CPNE4: variants seen among roughly 807,000 people sequenced by gnomAD.
CPNE4 encodes the protein copine-4.
Under a neutral mutation model 67.9 loss-of-function variants are expected in CPNE4, and 25 were observed. The ratio of observed to expected loss-of-function variants is 0.37; its 90% CI spans 0.27 to 0.51. The LOEUF (loss-of-function observed/expected upper bound fraction) is 0.51. CPNE4 is among the 20% of genes least tolerant of loss of function. The pLI, the probability that CPNE4 is intolerant of heterozygous loss-of-function variation, is 0.93. For missense variants in CPNE4, 464 were observed against 690.8 expected (o/e 0.67, Z 3.68); for synonymous variants, 242 against 244.9 (o/e 0.99, Z 0.11).
At chr3:132,014,310 ACTCCTCCCCCCGAATG>A (rs916033120) in intron 1 of CPNE4, among the ~76,000 whole-genome samples, 19 of 150,214 alleles carry the variant, frequency 1.3e-4, no homozygotes, top group African/African-American at 4.7e-4. Context: ...GGGCCAGCCT[ACTCCTCCCCCCGAATG>A]CTCCTCCCAC....
chr3:131,579,385 C>T (rs1033267012), intron 9 of CPNE4, among the ~76,000 whole-genome samples: 4 of 152,152 alleles, frequency 2.6e-5, no homozygotes, highest in Admixed American at 6.6e-5. Context: ...GGGGTTTTAT[C>T]GTTGTTTTCA....
At chr3:131,904,269 G>A (rs1035498529) in intron 2 of CPNE4, among the ~76,000 whole-genome samples, 1 of 152,014 alleles carries the variant, frequency 6.6e-6, no homozygotes, top group Non-Finnish European at 1.5e-5. Flanking sequence ...CCCCCAGCCC[G>A]TTCCTCCTAT....
At chr3:131,753,978 A>G (rs949747207) in intron 2 of CPNE4, among the ~76,000 whole-genome samples, 1 of 152,170 alleles carries the variant, frequency 6.6e-6, no homozygotes, top group African/African-American at 2.4e-5. Flanking sequence ...ATATGAAGAG[A>G]TATATGAACT....
intron 2 of CPNE4, among the ~76,000 whole-genome samples, chr3:131,864,292 T>C (rs1392821083): frequency 6.6e-6 from 1 of 151,778 alleles, no homozygotes; most frequent in African/African-American, 2.4e-5. Context: ...TAAATTACCT[T>C]AGGCAGTATG....
At chr3:131,853,046 G>T (rs1350491530) in intron 2 of CPNE4, among the ~76,000 whole-genome samples, 1 of 151,592 alleles carries the variant, frequency 6.6e-6, no homozygotes, top group East Asian at 1.9e-4. Flanking sequence ...TAAAATACCA[G>T]CAGAATTTTC....
intron 14 of CPNE4, among the ~76,000 whole-genome samples, chr3:131,545,344 T>C (rs964086983): frequency 4.6e-5 from 7 of 152,354 alleles, no homozygotes; most frequent in African/African-American, 1.7e-4. Context: ...TGATCTAAAC[T>C]AGGGGTTCTT....
chr3:131,876,281 A>AATACATAC (rs1381922727), intron 2 of CPNE4, among the ~76,000 whole-genome samples: 5 of 140,318 alleles, frequency 3.6e-5, no homozygotes, highest in African/African-American at 1.3e-4. Context: ...TAAATAAATA[A>AATACATAC]ATACGAATAC....
intron 2 of CPNE4, among the ~76,000 whole-genome samples, chr3:131,886,021 C>A (rs1389967657): frequency 6.6e-6 from 1 of 152,164 alleles, no homozygotes; most frequent in African/African-American, 2.4e-5. Context: ...TAACAAGGAG[C>A]CAAATGTTAA....
intron 7 of CPNE4, among the ~76,000 whole-genome samples, chr3:131,646,998 G>C (rs2079684544): frequency 6.6e-6 from 1 of 152,224 alleles, no homozygotes; most frequent in Admixed American, 6.5e-5. Context: ...GAGCAGAGCA[G>C]AGATAGGGGA....
intron 1 of CPNE4, among the ~76,000 whole-genome samples, chr3:132,013,376 G>C (rs2073818259): frequency 6.6e-6 from 1 of 152,120 alleles, no homozygotes; most frequent in African/African-American, 2.4e-5. Flanking sequence ...CAGAGGGCTA[G>C]GGTCTGGAAG....
chr3:131,828,302 T>A (rs371885382), intron 2 of CPNE4, among the ~76,000 whole-genome samples: 5 of 152,316 alleles, frequency 3.3e-5, no homozygotes, highest in Admixed American at 2.0e-4. Context: ...ATAGAATATT[T>A]TCATCAACCA....
chr3:131,595,620 G>A (rs560762719), intron 7 of CPNE4, among the ~76,000 whole-genome samples: 2 of 152,156 alleles, frequency 1.3e-5, no homozygotes, highest in Non-Finnish European at 2.9e-5. Flanking sequence ...GGTGAGAGTA[G>A]GAGCATGAGA....
At chr3:131,983,432 A>T (rs1358525521) in intron 1 of CPNE4, among the ~76,000 whole-genome samples, 1 of 152,216 alleles carries the variant, frequency 6.6e-6, no homozygotes. Flanking sequence ...CTGCACAAAA[A>T]GACTTACTGG....
chr3:131,701,427 T>C (rs1040787498), intron 3 of CPNE4, among the ~76,000 whole-genome samples: 2 of 152,120 alleles, frequency 1.3e-5, no homozygotes, highest in African/African-American at 2.4e-5. Flanking sequence ...TTCTAAAAAA[T>C]AGAATAATAC....
intron 2 of CPNE4, among the ~76,000 whole-genome samples, chr3:131,781,116 A>G (rs2369221): frequency 0.2 from 30,971 of 152,034 alleles, 3,864 homozygotes; most frequent in Middle Eastern, 0.27. Flanking sequence ...CCGCAAATCA[A>G]TTCATTTCTG....
At chr3:131,617,576 A>G (rs1940227889) in intron 7 of CPNE4, among the ~76,000 whole-genome samples, 2 of 152,220 alleles carry the variant, frequency 1.3e-5, no homozygotes, top group African/African-American at 4.8e-5. Flanking sequence ...AAAATTTTCA[A>G]TAGAAATGCT....
rs868218619 is a variant in CPNE4 at position 131,817,904 on chromosome 3, A to C, written c.180+87360T>G. ...AATAAAAGAAACACCACCTACTCAC[A>C]TCTGAAAGGTTGCCAACTCTTGTTT... On this transcript the variant is annotated intron_variant, in intron 2 of 15. Transcript: ENST00000429747. Among the ~76,000 whole-genome samples the C allele has an allele frequency of 3.3e-5, 5 of 152,334 alleles. No individual in the cohort carries two copies. The South Asian group carries it at 1.0e-3, about 32-fold the overall frequency.
At chr3:131,706,287 AG>A (rs1448823095) in intron 3 of CPNE4, among the ~76,000 whole-genome samples, 2 of 152,242 alleles carry the variant, frequency 1.3e-5, no homozygotes, top group African/African-American at 4.8e-5. Flanking sequence ...AAAAGACCAC[AG>A]GCTCAAAAAT....
intron 5 of CPNE4, among the ~76,000 whole-genome samples, chr3:131,689,940 C>T (rs6805939): frequency 0.075 from 11,436 of 151,996 alleles, 968 homozygotes; most frequent in East Asian, 0.28. Context: ...ACCCCATTTA[C>T]AACAGCTAGA....
Sources: gnomAD v4.1 joint callset for allele counts (sites outside exome capture counted in the v4.1 genomes callset) on GRCh38, gnomAD v4.1.1 for gene constraint, MANE v1.5 for transcripts, NCBI Gene and HGNC (gene_info 2026-07-23, HGNC 2026-07-21) for gene names.